The following DISC1 variants were observed in gnomAD, a reference collection of about 807,000 sequenced individuals.
DISC1 encodes DISC1 scaffold protein.
Under a neutral mutation model 84.5 loss-of-function variants are expected in DISC1, and 57 were observed. The observed-to-expected ratio is 0.67, with a 90% CI of 0.55 to 0.84. The LOEUF (loss-of-function observed/expected upper bound fraction) is 0.84, where lower values mean the gene tolerates loss of function less well. Ranked by LOEUF, DISC1 falls within the 40% of genes least tolerant of loss-of-function variation. DISC1 has a pLI of 0.00. For missense variants in DISC1, 1,000 were observed against 1,057.8 expected (o/e 0.95, Z 0.76); for synonymous variants, 411 against 415.2 (o/e 0.99, Z 0.12).
chr1:231,793,209 A>G (rs2078483318), intron 6 of DISC1, among the ~76,000 whole-genome samples: 1 of 152,202 alleles, frequency 6.6e-6, no homozygotes, highest in Admixed American at 6.5e-5. Flanking sequence ...AACCTCTGGT[A>G]TGAGATTTCC....
chr1:231,681,005 C>T (rs1045293364), intron 1 of DISC1, among the ~76,000 whole-genome samples: 1 of 152,172 alleles, frequency 6.6e-6, no homozygotes, highest in Non-Finnish European at 1.5e-5. Flanking sequence ...GAAATAACAG[C>T]TACACAGAGG....
intron 9 of DISC1, among the ~76,000 whole-genome samples, chr1:231,946,618 C>G (rs1657274431): frequency 6.6e-6 from 1 of 152,098 alleles, no homozygotes; most frequent in Non-Finnish European, 1.5e-5. Context: ...CCAGGGCAAT[C>G]AGGCAAGAGA....
In DISC1 at chr1:231,863,907, C is replaced by T. The variant is rs530490141; in HGVS notation, c.1981+45390C>T. On this transcript the variant is annotated intron_variant, in intron 9 of 12. Coordinates refer to ENST00000439617, the MANE Select transcript of DISC1 (RefSeq NM_018662.3). ...GAATCAAAGCGGTTATTCAATTCTT[C>T]TTTTCTTGGAGGAAATCACTGTGTC... 2.3e-5 allele frequency among the ~76,000 whole-genome samples: 3 copies of T among 133,000 alleles called. No homozygotes were observed. In the East Asian group the frequency reaches 5.8e-4, roughly 26 times the overall value. The allele number at this position is 133,000 out of a possible 152,430, so 87.3% of individuals were successfully genotyped here.
intron 9 of DISC1, among the ~76,000 whole-genome samples, chr1:231,878,871 G>A (rs1392283385): frequency 6.6e-6 from 1 of 152,064 alleles, no homozygotes; most frequent in African/African-American, 2.4e-5. Flanking sequence ...TATATAAAGG[G>A]AGTCATACCA....
At chr1:231,818,627 T>G in intron 9 of DISC1, 110 bp downstream of exon 9, 1 of 1,518,276 alleles carries the variant, frequency 6.6e-7, no homozygotes, top group Admixed American at 2.1e-5. Flanking sequence ...AAGAGCGTCA[T>G]GGAGCACATG....
chr1:231,800,864 T>C (rs1415752277), intron 8 of DISC1, among the ~76,000 whole-genome samples: 2 of 151,742 alleles, frequency 1.3e-5, no homozygotes. Context: ...TTAAGGTCAC[T>C]CAATTAGCTA....
chr1:231,880,102 T>C (rs890554882), intron 9 of DISC1, among the ~76,000 whole-genome samples: 19 of 152,228 alleles, frequency 1.2e-4, no homozygotes, highest in Non-Finnish European at 1.9e-4. Flanking sequence ...TGGATTAATC[T>C]ATTCATGAAA....
chr1:231,853,209 T>G (rs181535905), intron 9 of DISC1, among the ~76,000 whole-genome samples: 15 of 152,324 alleles, frequency 9.8e-5, no homozygotes, highest in African/African-American at 3.6e-4. Flanking sequence ...AAAAAAGGAC[T>G]GAAGAGAATA....
chr1:231,765,459 A>T (rs964822151), intron 4 of DISC1, among the ~76,000 whole-genome samples: 2 of 152,114 alleles, frequency 1.3e-5, no homozygotes, highest in Non-Finnish European at 2.9e-5. Flanking sequence ...TAAATTAGCA[A>T]TATTATCCCT....
At chr1:231,995,292 T>G (rs1158705603) in intron 10 of DISC1, among the ~76,000 whole-genome samples, 1 of 152,074 alleles carries the variant, frequency 6.6e-6, no homozygotes, top group African/African-American at 2.4e-5. Context: ...TTTTACACCA[T>G]CATATAAAAA....
At chr1:231,854,930 G>T in intron 9 of DISC1, 1 of 625,276 alleles carries the variant, frequency 1.6e-6, no homozygotes, top group Non-Finnish European at 2.4e-6. Context: ...TGACCAGACT[G>T]GTCTAAAACT....
rs143247781 is a variant in DISC1, at chr1:232,037,847, CAGTT to C, written c.*1019_*1022del. 7,740 of 152,274 alleles carry C rather than the reference CAGTT, an allele frequency of 0.051. 320 individuals carry two copies. The highest frequency in any genetic ancestry group is 0.22 in the East Asian group (1,109 of 5,144). The allele number at this position is 152,274 out of a possible 1,614,324, so 9.4% of individuals were successfully genotyped here. ...GTACTCAGTAATACAATACAGTACTCAGTTAGGCAGTGCAGTACTCAGGAATGCA... is the reference window on the plus strand; with the variant it reads ...GTACTCAGTAATACAATACAGTACTCAGGCAGTGCAGTACTCAGGAATGCA... On this transcript the variant is annotated 3_prime_UTR_variant, in exon 13 of 13. Coordinates refer to ENST00000439617, the MANE Select transcript of DISC1 (RefSeq NM_018662.3).
intron 1 of DISC1, among the ~76,000 whole-genome samples, chr1:231,652,170 G>A (rs572257830): frequency 7.2e-5 from 11 of 152,274 alleles, no homozygotes; most frequent in Admixed American, 2.6e-4. Flanking sequence ...CTTCTGCATC[G>A]ATCATGCTGG....
At chr1:231,804,664 A>C (rs1016661019) in intron 8 of DISC1, among the ~76,000 whole-genome samples, 7 of 152,076 alleles carry the variant, frequency 4.6e-5, no homozygotes, top group African/African-American at 7.2e-5. Context: ...GCCACAGTGG[A>C]ATGGAGCTAG....
At chr1:231,842,672 G>T (rs1353233764) in intron 9 of DISC1, among the ~76,000 whole-genome samples, 2 of 152,118 alleles carry the variant, frequency 1.3e-5, no homozygotes, top group African/African-American at 4.8e-5. Flanking sequence ...CGTGAATTCA[G>T]ATCCTCTTGT....
At chr1:231,757,394 A>G (rs962705096) in intron 4 of DISC1, among the ~76,000 whole-genome samples, 1 of 152,226 alleles carries the variant, frequency 6.6e-6, no homozygotes, top group East Asian at 1.9e-4. Context: ...ACATCCAGAT[A>G]CAATCAGATC....
At chr1:231,751,535 CATA>C (rs1398926362) in intron 4 of DISC1, among the ~76,000 whole-genome samples, 1 of 152,144 alleles carries the variant, frequency 6.6e-6, no homozygotes, top group East Asian at 1.9e-4. Flanking sequence ...TTGAATACAT[CATA>C]ATGTTGTGCA....
intron 9 of DISC1, among the ~76,000 whole-genome samples, chr1:231,900,896 A>G (rs2088120953): frequency 6.6e-6 from 1 of 152,212 alleles, no homozygotes; most frequent in African/African-American, 2.4e-5. Context: ...CTTAGATGCA[A>G]CAAAATCTAC....
At chr1:231,745,934 G>A (rs1176044593) in intron 3 of DISC1, among the ~76,000 whole-genome samples, 1 of 152,146 alleles carries the variant, frequency 6.6e-6, no homozygotes, top group African/African-American at 2.4e-5. Flanking sequence ...TCACATGAGA[G>A]CTGGTTAAAA....
Sources: gnomAD v4.1 joint callset for allele counts (sites outside exome capture counted in the v4.1 genomes callset) on GRCh38, gnomAD v4.1.1 for gene constraint, MANE v1.5 for transcripts, NCBI Gene and HGNC (gene_info 2026-07-23, HGNC 2026-07-21) for gene names.